Variants in UBQLN1 observed in about 807,000 individuals in gnomAD.
The protein encoded by UBQLN1 is ubiquilin 1.
UBQLN1 carries 13 observed loss-of-function variants against 65.4 expected under a neutral mutation model. The observed-to-expected ratio is 0.20, with a 90% CI of 0.13 to 0.32. UBQLN1 has a LOEUF of 0.32. Ranked by LOEUF, UBQLN1 falls within the 10% of genes least tolerant of loss-of-function variation. The probability of loss-of-function intolerance (pLI) is 1.00; values close to 1 mark genes in which losing one functional copy is unlikely to be tolerated. For synonymous variants in UBQLN1, 267 were observed against 247.8 expected (o/e 1.08, Z -0.73); for missense variants, 561 against 724.0 (o/e 0.77, Z 2.58).
At chr9:83,704,765 G>A (rs957503614) in intron 1 of UBQLN1, among the ~76,000 whole-genome samples, 24 of 143,478 alleles carry the variant, frequency 1.7e-4, no homozygotes, top group African/African-American at 4.7e-4. Flanking sequence ...AGGGGAGGTT[G>A]CAGTGAGCCG....
intron 1 of UBQLN1, among the ~76,000 whole-genome samples, chr9:83,703,375 G>GT (rs1361122725): frequency 6.6e-6 from 1 of 152,016 alleles, no homozygotes; most frequent in Non-Finnish European, 1.5e-5. Context: ...TATACAGTTT[G>GT]TTTCACTCGC....
chr9:83,704,113 T>C (rs1357971677), intron 1 of UBQLN1, among the ~76,000 whole-genome samples: 2 of 152,238 alleles, frequency 1.3e-5, no homozygotes, highest in African/African-American at 2.4e-5. Flanking sequence ...GCTTACCCTC[T>C]GACCCTCCAA....
chr9:83,672,550 T>G (rs1283242201), intron 6 of UBQLN1, among the ~76,000 whole-genome samples: 1 of 152,160 alleles, frequency 6.6e-6, no homozygotes, highest in Admixed American at 6.5e-5. Flanking sequence ...AGCCAGTCAG[T>G]TGAACAGTCA....
Position 83,707,689 on chromosome 9 carries a change from G to A in UBQLN1, c.-10C>T. On this transcript the variant is annotated 5_prime_UTR_variant, in exon 1 of 11. Coordinates refer to ENST00000376395, the MANE Select transcript of UBQLN1 (RefSeq NM_013438.5). The stretch of plus-strand genomic sequence containing the variant: ...CACCACTCTCGGCCATGGCTGTGGC[G>A]GCGGCGGCGGCGGTGACTCAGGCAA... 2 of 1,525,966 alleles carry A rather than the reference G, an allele frequency of 1.3e-6. No individual in the cohort carries two copies. The highest frequency in any genetic ancestry group is 1.2e-5 in the South Asian group (1 of 83,528). 94.5% of individuals were successfully genotyped at this position (1,525,966 alleles called of 1,614,324 possible).
intron 6 of UBQLN1, among the ~76,000 whole-genome samples, chr9:83,676,793 C>T (rs1340985433): frequency 6.6e-6 from 1 of 152,188 alleles, no homozygotes; most frequent in Admixed American, 6.5e-5. Context: ...TAGAGAAGTG[C>T]TCCCATGTCT....
rs544979128 is a variant in UBQLN1, at chr9:83,673,856, C to T, written c.1105+3871G>A. Among the ~76,000 whole-genome samples the T allele has an allele frequency of 3.5e-4, 53 of 152,204 alleles. 1 individual carries two copies. The South Asian group carries it at 1.0e-2, about 29-fold the overall frequency. ...TTGCTCTGTCTCCCAGGCTGGAGTG[C>T]GGTGATGCCATCACAGCTCACTGCA... On this transcript the variant is annotated intron_variant, in intron 6 of 10. Coordinates refer to ENST00000376395, the MANE Select transcript of UBQLN1 (RefSeq NM_013438.5).
rs553091698 is a variant in UBQLN1 at position 83,684,522 on chromosome 9, A to C, written c.333-1456T>G. Among the ~76,000 whole-genome samples the C allele has an allele frequency of 5.3e-5, 8 of 152,148 alleles. No individual in the cohort carries two copies. The East Asian group carries it at 1.6e-3, about 30-fold the overall frequency. Reference sequence around the variant, plus strand: ...ATTATTACTTAGTATTATCTCTAAAAGGAAATAAGCCAGACAAGGTGGCTC... The same window carrying C: ...ATTATTACTTAGTATTATCTCTAAACGGAAATAAGCCAGACAAGGTGGCTC... On this transcript the variant is annotated intron_variant, in intron 2 of 10. Transcript: ENST00000376395.
At chr9:83,685,926 T>A in intron 2 of UBQLN1, 78 bp downstream of exon 2, 1 of 1,274,712 alleles carries the variant, frequency 7.8e-7, no homozygotes, top group Non-Finnish European at 1.1e-6. Context: ...GAAAGTAATT[T>A]ACAGCCAACA....
chr9:83,661,976 G>A (rs779453104), intron 10 of UBQLN1, 37 bp from the exon 11 acceptor site: 1 of 1,590,432 alleles, frequency 6.3e-7, no homozygotes, highest in South Asian at 1.1e-5. Flanking sequence ...AACTCTAAAG[G>A]AAGCCAGTCC....
At chr9:83,698,383 G>A (rs1038535886) in intron 1 of UBQLN1, among the ~76,000 whole-genome samples, 2 of 152,042 alleles carry the variant, frequency 1.3e-5, no homozygotes, top group African/African-American at 4.8e-5. Flanking sequence ...TTCAAACTGA[G>A]GTATGCTTAA....
At chr9:83,683,414 CAAAAAAAAA>C (rs766459859) in intron 2 of UBQLN1, among the ~76,000 whole-genome samples, 4 of 70,960 alleles carry the variant, frequency 5.6e-5, no homozygotes, top group Admixed American at 1.6e-4. Context: ...GACTCCGTCT[CAAAAAAAAA>C]AAAAAAAAAA....
intron 1 of UBQLN1, among the ~76,000 whole-genome samples, chr9:83,700,980 C>CAGT (rs540211431): frequency 1.3e-4 from 20 of 152,186 alleles, no homozygotes; most frequent in African/African-American, 4.6e-4. Context: ...GGCAACTGAC[C>CAGT]AGTAGGCTAC....
At position 83,663,874 on chromosome 9, in the gene UBQLN1, C is replaced by A. The variant is rs1331926156; in HGVS notation, c.1617+1G>T. 2 of 1,612,162 alleles carry A rather than the reference C, an allele frequency of 1.2e-6. No individual in the cohort carries two copies. The highest frequency in any genetic ancestry group is 1.7e-5 in the Admixed American group (1 of 59,526). On this transcript the variant is annotated splice_donor_variant, in intron 10 of 10. Transcript: ENST00000376395. LOFTEE classifies it high-confidence loss of function. Reference sequence around the variant, plus strand: ...AAACTTGAATGGAAAAGAACTGATACCTGAGGATTTACTCCAGCAAGAGCC... The same window carrying A: ...AAACTTGAATGGAAAAGAACTGATAACTGAGGATTTACTCCAGCAAGAGCC...
At chr9:83,681,292 A>C (rs1831935849) in intron 3 of UBQLN1, among the ~76,000 whole-genome samples, 2 of 152,212 alleles carry the variant, frequency 1.3e-5, no homozygotes, top group African/African-American at 4.8e-5. Flanking sequence ...AACCAACTAA[A>C]TGCATTCAGT....
chr9:83,698,009 T>A (rs1347046657), intron 1 of UBQLN1, among the ~76,000 whole-genome samples: 1 of 152,142 alleles, frequency 6.6e-6, no homozygotes, highest in East Asian at 1.9e-4. Flanking sequence ...GTGCCGGGAT[T>A]AGCAGCATGA....
In UBQLN1 at chr9:83,682,130, A is replaced by G. The variant is rs144158928; in HGVS notation, c.448+821T>C. Among the ~76,000 whole-genome samples the G allele has an allele frequency of 1.1e-3, 162 of 152,154 alleles. 1 individual carries two copies. Among genetic ancestry groups the G allele is most frequent in the Admixed American group, 2.2e-3 (34 of 15,290 alleles). On this transcript the variant is annotated intron_variant, in intron 3 of 10. Coordinates refer to ENST00000376395, the MANE Select transcript of UBQLN1 (RefSeq NM_013438.5). ...AAACCCAGTCTCTACTAAAAATACA[A>G]AAAAATTAGCCGGGCGTAGTGGCAC...
intron 3 of UBQLN1, 71 bp downstream of exon 3, chr9:83,682,880 T>C: frequency 2.7e-6 from 2 of 736,210 alleles, no homozygotes; most frequent in Non-Finnish European, 4.3e-6. Flanking sequence ...TTTCTCATTT[T>C]ATCTGAAACT....
chr9:83,671,620 A>G (rs1411458220), intron 6 of UBQLN1, among the ~76,000 whole-genome samples: 1 of 152,156 alleles, frequency 6.6e-6, no homozygotes, highest in South Asian at 2.1e-4. Context: ...GACTTAAAAT[A>G]TTAAGTAAAC....
At chr9:83,686,220 A>C (rs1832038028) in intron 1 of UBQLN1, 65 bp from the exon 2 acceptor site, 1 of 1,126,352 alleles carries the variant, frequency 8.9e-7, no homozygotes, top group Non-Finnish European at 1.2e-6. Flanking sequence ...TCTAGTTTCT[A>C]CAGGTACCTC....
Sources: gnomAD v4.1 joint callset for allele counts (sites outside exome capture counted in the v4.1 genomes callset) on GRCh38, gnomAD v4.1.1 for gene constraint, MANE v1.5 for transcripts, NCBI Gene and HGNC (gene_info 2026-07-23, HGNC 2026-07-21) for gene names.